The following UROS variants were observed in gnomAD, a reference collection of about 807,000 sequenced individuals.
UROS encodes uroporphyrinogen III synthase.
In UROS, 18 loss-of-function variants were observed where a neutral mutation model predicts 33.0. That is an observed-to-expected ratio of 0.55 (90% CI 0.38 to 0.81). UROS has a LOEUF of 0.81. Among genes scored for constraint, UROS ranks in the 30% least tolerant of loss-of-function variants. The pLI is 0.00. For missense variants in UROS, 293 were observed against 314.9 expected, an observed-to-expected ratio of 0.93 and a Z score of 0.53; for synonymous variants, 114 against 121.1, an observed-to-expected ratio of 0.94 and a Z score of 0.38.
intron 6 of UROS, among the ~76,000 whole-genome samples, chr10:125,804,931 C>A (rs1852184845): frequency 6.6e-6 from 1 of 152,218 alleles, no homozygotes; most frequent in Admixed American, 6.5e-5. Flanking sequence ...CCTCTTCAGT[C>A]CCAACGCCCT....
chr10:125,816,506 C>T lies in UROS; in HGVS notation c.-7G>A. 4 of 1,614,178 alleles carry T rather than the reference C, an allele frequency of 2.5e-6. No individual in the cohort carries two copies. Among genetic ancestry groups the T allele is most frequent in the Non-Finnish European group, 3.4e-6 (4 of 1,180,022 alleles). ...TCAGTAAAAGAACCTTCATTATTGCCTGGCAGTCCTTATAGGGCACTGCGA... is the reference window on the plus strand; with the variant it reads ...TCAGTAAAAGAACCTTCATTATTGCTTGGCAGTCCTTATAGGGCACTGCGA... On this transcript the variant is annotated 5_prime_UTR_variant, in exon 2 of 10. Transcript: ENST00000368797.
At chr10:125,796,804 A>T (rs1442037799) in intron 7 of UROS, 6 of 985,292 alleles carry the variant, frequency 6.1e-6, no homozygotes, top group Non-Finnish European at 7.2e-6. Flanking sequence ...TTTCAGTCAG[A>T]TATTGACTTA....
intron 7 of UROS, 138 bp downstream of exon 7, chr10:125,797,927 G>A: frequency 1.1e-6 from 1 of 930,440 alleles, no homozygotes; most frequent in Non-Finnish European, 1.7e-6. Flanking sequence ...CATGGTCTCT[G>A]TGTCTCCTGG....
intron 6 of UROS, among the ~76,000 whole-genome samples, chr10:125,804,448 CAT>C (rs1491500028): frequency 9.2e-5 from 14 of 152,292 alleles, no homozygotes; most frequent in African/African-American, 3.4e-4. Flanking sequence ...AATCAGTACA[CAT>C]AAGTGTTTCC....
chr10:125,818,004 T>C (rs1853501796), intron 1 of UROS, among the ~76,000 whole-genome samples: 1 of 152,194 alleles, frequency 6.6e-6, no homozygotes, highest in South Asian at 2.1e-4. Flanking sequence ...TAATCTGTGG[T>C]TCTCTTAGGT....
chr10:125,820,507 T>C (rs1480442489), intron 1 of UROS, among the ~76,000 whole-genome samples: 2 of 152,224 alleles, frequency 1.3e-5, no homozygotes, highest in African/African-American at 2.4e-5. Flanking sequence ...TCCATTCAAA[T>C]GCTCATCTTT....
chr10:125,817,847 C>T (rs1325715872), intron 1 of UROS, among the ~76,000 whole-genome samples: 1 of 152,140 alleles, frequency 6.6e-6, no homozygotes, highest in African/African-American at 2.4e-5. Context: ...CTCACATACA[C>T]TTTGAATACG....
chr10:125,815,839 G>A (rs936630506), intron 3 of UROS, among the ~76,000 whole-genome samples: 6 of 152,186 alleles, frequency 3.9e-5, no homozygotes, highest in African/African-American at 1.2e-4. Flanking sequence ...ATACCTCCCT[G>A]GCCTGCTTTG....
At chr10:125,792,258 A>G (rs1046857492) in intron 9 of UROS, 5 of 152,220 alleles carry the variant, frequency 3.3e-5, no homozygotes. Context: ...TTGGTGAAAC[A>G]GCAGCTTTTT....
intron 1 of UROS, among the ~76,000 whole-genome samples, chr10:125,821,020 C>T (rs552078884): frequency 2.0e-5 from 3 of 152,198 alleles, no homozygotes; most frequent in African/African-American, 2.4e-5. Flanking sequence ...TTTTCCCCTA[C>T]TTGTCTTACA....
chr10:125,805,823 T>C (rs1482311981), intron 6 of UROS, among the ~76,000 whole-genome samples: 1 of 152,088 alleles, frequency 6.6e-6, no homozygotes, highest in African/African-American at 2.4e-5. Context: ...CAGTAAATGC[T>C]AGTCTTCAAC....
chr10:125,817,916 C>T (rs192821170), intron 1 of UROS, among the ~76,000 whole-genome samples: 385 of 152,306 alleles, frequency 2.5e-3, no homozygotes, highest in Admixed American at 4.4e-3. Context: ...GTACAAAGTG[C>T]TTAGTTTAGT....
At chr10:125,806,148 A>C (rs1852311623) in intron 6 of UROS, among the ~76,000 whole-genome samples, 1 of 152,208 alleles carries the variant, frequency 6.6e-6, no homozygotes, top group South Asian at 2.1e-4. Flanking sequence ...TACGGCAGGA[A>C]GACTTGTAAG....
chr10:125,818,280 CA>C (rs1168583384), intron 1 of UROS, among the ~76,000 whole-genome samples: 1 of 152,000 alleles, frequency 6.6e-6, no homozygotes, highest in Non-Finnish European at 1.5e-5. Flanking sequence ...AGCAGGAGTC[CA>C]AGATCAGCCT....
At chr10:125,812,954 T>C (rs1402722353) in intron 4 of UROS, among the ~76,000 whole-genome samples, 2 of 152,176 alleles carry the variant, frequency 1.3e-5, no homozygotes, top group African/African-American at 4.8e-5. Flanking sequence ...GAAATAATGG[T>C]TCTTCCTTTC....
chr10:125,787,320 C>T (rs1850660759), downstream of UROS, among the ~76,000 whole-genome samples: 1 of 152,060 alleles, frequency 6.6e-6, no homozygotes, highest in Non-Finnish European at 1.5e-5. Context: ...ACACATCCCT[C>T]CCGCTCTTGT....
At chr10:125,796,661 G>T in intron 7 of UROS, 2 of 571,520 alleles carry the variant, frequency 3.5e-6, no homozygotes, top group Non-Finnish European at 4.4e-6. Context: ...GCCTCAGTGT[G>T]TCCACTTGTA....
At chr10:125,791,557 A>G (rs1224655856) in intron 9 of UROS, 2 of 152,216 alleles carry the variant, frequency 1.3e-5, no homozygotes, top group African/African-American at 4.8e-5. Context: ...ATAGCCTGAA[A>G]GTGGAAAACA....
chr10:125,787,039 C>T (rs189387712), downstream of UROS, among the ~76,000 whole-genome samples: 8 of 152,354 alleles, frequency 5.3e-5, no homozygotes, highest in African/African-American at 1.9e-4. Flanking sequence ...TTCCTGATCC[C>T]AAACAGAACC....
Sources: allele counts gnomAD v4.1 joint callset (sites outside exome capture counted in the v4.1 genomes callset), GRCh38; gene constraint gnomAD v4.1.1; transcripts MANE v1.5; gene names NCBI Gene and HGNC (gene_info 2026-07-23, HGNC 2026-07-21).